GPC5: variants seen among roughly 807,000 people sequenced by gnomAD.
GPC5 encodes glypican-5.
GPC5 carries 47 observed loss-of-function variants against 53.9 expected under a neutral mutation model. The ratio of observed to expected loss-of-function variants is 0.87; its 90% CI spans 0.69 to 1.11. The LOEUF (loss-of-function observed/expected upper bound fraction) is 1.11. Ranked by LOEUF, GPC5 falls within the 50% of genes most tolerant of loss-of-function variation. GPC5 has a pLI of 0.00. For missense variants in GPC5, 748 were observed against 713.1 expected (o/e 1.05, Z -0.56); for synonymous variants, 286 against 263.3 (o/e 1.09, Z -0.84).
At chr13:92,119,224 A>G (rs2041625048) in intron 6 of GPC5, among the ~76,000 whole-genome samples, 1 of 151,988 alleles carries the variant, frequency 6.6e-6, no homozygotes, top group Admixed American at 6.6e-5. Flanking sequence ...AGACTTATTC[A>G]CTGTCATGGG....
chr13:91,565,147 G>A (rs773202957), intron 2 of GPC5, among the ~76,000 whole-genome samples: 13 of 151,816 alleles, frequency 8.6e-5, no homozygotes, highest in Non-Finnish European at 1.0e-4. Context: ...GCACCACCAC[G>A]CCTGGCTAAG....
intron 7 of GPC5, among the ~76,000 whole-genome samples, chr13:92,468,972 C>T (rs1324175061): frequency 6.6e-6 from 1 of 152,088 alleles, no homozygotes; most frequent in Non-Finnish European, 1.5e-5. Context: ...ATGCCCATGG[C>T]GTCCTATTCC....
intron 6 of GPC5, among the ~76,000 whole-genome samples, chr13:92,103,091 G>C (rs2041479930): frequency 6.6e-6 from 1 of 151,888 alleles, no homozygotes; most frequent in Non-Finnish European, 1.5e-5. Context: ...CGAACTCCTG[G>C]GCTCAAGTGA....
chr13:91,443,677 A>G (rs1880598440), intron 1 of GPC5, among the ~76,000 whole-genome samples: 1 of 152,222 alleles, frequency 6.6e-6, no homozygotes, highest in Non-Finnish European at 1.5e-5. Context: ...ATGATGCTTC[A>G]AGACCATAAT....
intron 5 of GPC5, among the ~76,000 whole-genome samples, chr13:91,870,948 T>C (rs961576222): frequency 1.3e-5 from 2 of 152,210 alleles, no homozygotes; most frequent in African/African-American, 4.8e-5. Flanking sequence ...TATTTGCACA[T>C]AGGTAATGAG....
intron 7 of GPC5, among the ~76,000 whole-genome samples, chr13:92,767,002 C>T (rs1429564004): frequency 6.6e-6 from 1 of 152,158 alleles, no homozygotes; most frequent in Non-Finnish European, 1.5e-5. Flanking sequence ...ATATAATGAA[C>T]CCACTCTGGG....
intron 7 of GPC5, among the ~76,000 whole-genome samples, chr13:92,537,817 C>A (rs936142030): frequency 6.6e-6 from 1 of 151,996 alleles, no homozygotes; most frequent in South Asian, 2.1e-4. Context: ...ATGAGGAAGG[C>A]GTTTTATAAA....
At chr13:92,823,817 T>C (rs1436173086) in intron 7 of GPC5, among the ~76,000 whole-genome samples, 1 of 152,104 alleles carries the variant, frequency 6.6e-6, no homozygotes, top group East Asian at 1.9e-4. Context: ...GTTAAAACAC[T>C]ACCTAATACA....
At chr13:92,089,378 G>A (rs2041361293) in intron 6 of GPC5, among the ~76,000 whole-genome samples, 1 of 152,132 alleles carries the variant, frequency 6.6e-6, no homozygotes, top group Admixed American at 6.5e-5. Flanking sequence ...AGCTTGCAGT[G>A]AGCCCAGATT....
chr13:92,204,623 A>T (rs762448238), intron 7 of GPC5, among the ~76,000 whole-genome samples: 8 of 152,172 alleles, frequency 5.3e-5, no homozygotes, highest in Non-Finnish European at 1.0e-4. Context: ...CACTAGAAAA[A>T]CTTACAGAAC....
At chr13:92,597,277 T>TTA (rs906686319) in intron 7 of GPC5, among the ~76,000 whole-genome samples, 1 of 147,832 alleles carries the variant, frequency 6.8e-6, no homozygotes, top group African/African-American at 2.6e-5. Context: ...TTTTTTTTTT[T>TTA]AAAAAGGATG....
At chr13:92,512,104 A>G (rs1162732069) in intron 7 of GPC5, among the ~76,000 whole-genome samples, 1 of 152,194 alleles carries the variant, frequency 6.6e-6, no homozygotes, top group Non-Finnish European at 1.5e-5. Flanking sequence ...CAAAGCATGC[A>G]TCCATGAGAT....
At chr13:92,675,590 T>A (rs562699001) in intron 7 of GPC5, among the ~76,000 whole-genome samples, 1 of 149,380 alleles carries the variant, frequency 6.7e-6, no homozygotes, top group East Asian at 2.0e-4. Context: ...CTTTTTTTTT[T>A]AACTATAAAG....
At chr13:91,839,237 A>G (rs1339254744) in intron 5 of GPC5, among the ~76,000 whole-genome samples, 2 of 152,182 alleles carry the variant, frequency 1.3e-5, no homozygotes, top group Admixed American at 6.5e-5. Context: ...ATCTATCTTT[A>G]TAAACATATT....
chr13:91,999,680 G>A lies in GPC5; in HGVS notation c.1401+91623G>A, dbSNP rs572385407. ...AAAATCTCATGGCCACCTTATTCGA[G>A]TAATAATGACTTGTTTCTAGATGAA... On this transcript the variant is annotated intron_variant, in intron 6 of 7. Coordinates refer to ENST00000377067, the MANE Select transcript of GPC5 (RefSeq NM_004466.6). Among the ~76,000 whole-genome samples, 10 of 152,210 alleles carry A rather than the reference G, an allele frequency of 6.6e-5. No homozygotes were observed. In the South Asian group the frequency reaches 2.1e-3, roughly 32 times the overall value.
chr13:91,691,989 G>A (rs539330112), intron 2 of GPC5, among the ~76,000 whole-genome samples: 1 of 152,214 alleles, frequency 6.6e-6, no homozygotes, highest in East Asian at 1.9e-4. Flanking sequence ...ATTATGAAAT[G>A]TAATTACTAA....
chr13:92,036,441 T>C (rs2040893547), intron 6 of GPC5, among the ~76,000 whole-genome samples: 1 of 152,202 alleles, frequency 6.6e-6, no homozygotes, highest in Admixed American at 6.5e-5. Flanking sequence ...AAATAAATTC[T>C]CAAGGCGCTT....
chr13:92,052,333 G>A (rs2041036643), intron 6 of GPC5, among the ~76,000 whole-genome samples: 1 of 152,308 alleles, frequency 6.6e-6, no homozygotes, highest in African/African-American at 2.4e-5. Context: ...TTCGCAGTGA[G>A]TGTTACAGCT....
chr13:91,655,669 A>T (rs2034827355), intron 2 of GPC5, among the ~76,000 whole-genome samples: 1 of 152,140 alleles, frequency 6.6e-6, no homozygotes, highest in African/African-American at 2.4e-5. Context: ...TTGGTAGGAT[A>T]CACAATATCG....
Sources: gnomAD v4.1 joint callset for allele counts (sites outside exome capture counted in the v4.1 genomes callset) on GRCh38, gnomAD v4.1.1 for gene constraint, MANE v1.5 for transcripts, NCBI Gene and HGNC (gene_info 2026-07-23, HGNC 2026-07-21) for gene names.